PSD3: variants seen among roughly 807,000 people sequenced by gnomAD.
The protein encoded by PSD3 is PH and SEC7 domain-containing protein 3.
In PSD3, 49 loss-of-function variants were observed where a neutral mutation model predicts 105.5. The ratio of observed to expected loss-of-function variants is 0.46; its 90% CI spans 0.37 to 0.59. The LOEUF (loss-of-function observed/expected upper bound fraction) is 0.59. PSD3 is among the 20% of genes least tolerant of loss of function. The pLI, the probability that PSD3 is intolerant of heterozygous loss-of-function variation, is 0.00. For missense variants in PSD3, 1,561 were observed against 1,263.8 expected, an observed-to-expected ratio of 1.24 and a Z score of -3.57; for synonymous variants, 557 against 457.8, an observed-to-expected ratio of 1.22 and a Z score of -2.77.
At chr8:18,855,655 CA>C (rs1240655917) in intron 4 of PSD3, among the ~76,000 whole-genome samples, 1 of 151,856 alleles carries the variant, frequency 6.6e-6, no homozygotes, top group Non-Finnish European at 1.5e-5. Context: ...GCCAGTTTCA[CA>C]AAAGGAAACA....
At chr8:18,621,247 A>G (rs547260362) in intron 11 of PSD3, among the ~76,000 whole-genome samples, 46 of 152,278 alleles carry the variant, frequency 3.0e-4, no homozygotes, top group Non-Finnish European at 5.9e-4. Context: ...TTCTCTACTA[A>G]AAACACAAAA....
intron 9 of PSD3, among the ~76,000 whole-genome samples, chr8:18,665,141 T>A (rs1799376609): frequency 6.6e-6 from 1 of 152,192 alleles, no homozygotes; most frequent in African/African-American, 2.4e-5. Flanking sequence ...TTTAAATACA[T>A]TTCACAAGGC....
At chr8:18,617,361 T>A (rs940898827) in intron 11 of PSD3, among the ~76,000 whole-genome samples, 2 of 151,936 alleles carry the variant, frequency 1.3e-5, no homozygotes, top group Non-Finnish European at 2.9e-5. Flanking sequence ...TGAAACCCCA[T>A]CTCTACTAAA....
intron 14 of PSD3, among the ~76,000 whole-genome samples, chr8:18,568,349 T>C (rs1014118325): frequency 1.3e-5 from 2 of 152,152 alleles, no homozygotes; most frequent in African/African-American, 2.4e-5. Flanking sequence ...TTTTGGAAAA[T>C]TGCTTATCAA....
rs201353928 is a variant in PSD3, at chr8:18,751,400, T to G, written c.2172+14049A>C. On this transcript the variant is annotated intron_variant, in intron 9 of 15. Coordinates refer to ENST00000327040, the MANE Select transcript of PSD3 (RefSeq NM_015310.4). ...GACATCACCAGAGGAAGTTAGAACA[T>G]GACAGAAAAAGAGAACAACTTCTGG... 3.8e-3 allele frequency among the ~76,000 whole-genome samples: 576 copies of G among 152,322 alleles called. No individual in the cohort carries two copies. In the East Asian group the frequency reaches 0.045, roughly 12 times the overall value.
chr8:18,769,723 G>A (rs1807333069), intron 8 of PSD3, among the ~76,000 whole-genome samples: 1 of 152,062 alleles, frequency 6.6e-6, no homozygotes, highest in Non-Finnish European at 1.5e-5. Context: ...TGAAATAAAT[G>A]GAATCATATA....
intron 9 of PSD3, among the ~76,000 whole-genome samples, chr8:18,697,805 C>T (rs1025153447): frequency 4.6e-5 from 7 of 152,122 alleles, no homozygotes; most frequent in Non-Finnish European, 7.3e-5. Context: ...ATCAACATTT[C>T]GTCACTACAC....
At chr8:19,009,197 A>T (rs1304830167) in intron 1 of PSD3, among the ~76,000 whole-genome samples, 1 of 152,198 alleles carries the variant, frequency 6.6e-6, no homozygotes, top group African/African-American at 2.4e-5. Flanking sequence ...CAAACAACAA[A>T]TCTGGTCCCA....
At chr8:19,016,725 G>A (rs2129475694), upstream of PSD3, among the ~76,000 whole-genome samples, 1 of 152,348 alleles carries the variant, frequency 6.6e-6, no homozygotes, top group East Asian at 1.9e-4. Flanking sequence ...ATCTCTCACA[G>A]TTCTGGAGGC....
chr8:18,890,656 A>T (rs903447559), intron 2 of PSD3, among the ~76,000 whole-genome samples: 4 of 152,202 alleles, frequency 2.6e-5, no homozygotes, highest in African/African-American at 7.2e-5. Context: ...ACATGTAATA[A>T]AGAGGTAATT....
intron 8 of PSD3, among the ~76,000 whole-genome samples, chr8:18,775,953 T>A (rs1808025310): frequency 6.6e-6 from 1 of 152,194 alleles, no homozygotes. Context: ...CCCCAATCTT[T>A]TCTTCTAGTA....
intron 9 of PSD3, among the ~76,000 whole-genome samples, chr8:18,677,914 G>C (rs934920108): frequency 1.3e-5 from 2 of 151,762 alleles, no homozygotes; most frequent in African/African-American, 4.8e-5. Context: ...GGAGGCTGAA[G>C]CAGGAGAGTG....
intron 1 of PSD3, among the ~76,000 whole-genome samples, chr8:18,953,021 C>T (rs563414941): frequency 1.3e-5 from 2 of 152,188 alleles, no homozygotes; most frequent in East Asian, 1.9e-4. Context: ...TAACAAACTC[C>T]AACACATCAA....
chr8:18,986,985 G>A lies in PSD3; in HGVS notation c.21+26578C>T, dbSNP rs570470748. On this transcript the variant is annotated intron_variant, in intron 1 of 15. Transcript: ENST00000327040. The stretch of plus-strand genomic sequence containing the variant: ...GAGTTATGTATATCCTACTGCTCAA[G>A]GTCATCGCCAAGGTCTGATCTTTTC... Among the ~76,000 whole-genome samples, 8 of 152,240 alleles carry A rather than the reference G, an allele frequency of 5.3e-5. No homozygotes were observed. In the East Asian group the frequency reaches 1.2e-3, roughly 22 times the overall value.
chr8:18,836,719 T>C (rs1354887389), intron 4 of PSD3, among the ~76,000 whole-genome samples: 3 of 152,156 alleles, frequency 2.0e-5, no homozygotes, highest in Non-Finnish European at 1.5e-5. Context: ...CATCTCTAGA[T>C]TACTGATAAT....
At chr8:19,032,574 C>T (rs1338256158) in intron 1 of PSD3, among the ~76,000 whole-genome samples, 3 of 148,170 alleles carry the variant, frequency 2.0e-5, no homozygotes, top group African/African-American at 7.5e-5. Flanking sequence ...TGCTTGAGCT[C>T]GGGAGGCCAA....
intron 15 of PSD3, among the ~76,000 whole-genome samples, chr8:18,536,491 C>T (rs191237638): frequency 8.5e-5 from 13 of 152,198 alleles, no homozygotes; most frequent in South Asian, 2.1e-4. Context: ...CCTATGAGAC[C>T]ATACCACCTT....
Position 19,000,396 on chromosome 8 carries a change from GA to G in PSD3, c.21+13166del, listed in dbSNP as rs147279826. 9.0e-3 allele frequency among the ~76,000 whole-genome samples: 1,203 copies of G among 133,556 alleles called. 25 individuals carry two copies. Among genetic ancestry groups the G allele is most frequent in the African/African-American group, 0.032 (1,153 of 35,594 alleles). The allele number at this position is 133,556 out of a possible 152,430, so 87.6% of individuals were successfully genotyped here. ...TTGCTGACAGAGCAAGGCTCTGTCTGAAAAAAAAAAAAGAGAGAGAAAAAAA... is the reference window on the plus strand; with the variant it reads ...TTGCTGACAGAGCAAGGCTCTGTCTGAAAAAAAAAAAGAGAGAGAAAAAAA... On this transcript the variant is annotated intron_variant, in intron 1 of 15. Coordinates refer to ENST00000327040, the MANE Select transcript of PSD3 (RefSeq NM_015310.4).
At chr8:19,033,833 A>G (rs1315267155) in intron 1 of PSD3, among the ~76,000 whole-genome samples, 1 of 152,160 alleles carries the variant, frequency 6.6e-6, no homozygotes, top group Admixed American at 6.6e-5. Context: ...ACGTTCAGCA[A>G]CTGGGCAGAA....
Sources: gnomAD v4.1 joint callset for allele counts (sites outside exome capture counted in the v4.1 genomes callset) on GRCh38, gnomAD v4.1.1 for gene constraint, MANE v1.5 for transcripts, NCBI Gene and HGNC (gene_info 2026-07-23, HGNC 2026-07-21) for gene names.